SPAG16: variants seen among roughly 807,000 people sequenced by gnomAD.
SPAG16 encodes the protein sperm-associated antigen 16 protein.
Under a neutral mutation model 80.4 loss-of-function variants are expected in SPAG16, and 86 were observed. The ratio of observed to expected loss-of-function variants is 1.07; its 90% confidence interval spans 0.90 to 1.28. SPAG16 has a LOEUF of 1.28. Ranked by LOEUF, SPAG16 falls within the 50% of genes most tolerant of loss-of-function variation. SPAG16 has a pLI of 0.00. For missense variants in SPAG16, 870 were observed against 765.3 expected, an observed-to-expected ratio of 1.14 and a Z score of -1.61; for synonymous variants, 294 against 265.9, an observed-to-expected ratio of 1.11 and a Z score of -1.03.
chr2:214,169,927 GC>G (rs1469345034), intron 15 of SPAG16, among the ~76,000 whole-genome samples: 25 of 152,118 alleles, frequency 1.6e-4, no homozygotes, highest in African/African-American at 4.8e-4. Flanking sequence ...TTGGAGGCCT[GC>G]CCACTCAGTA....
At chr2:213,548,997 T>C (rs960149320) in intron 10 of SPAG16, among the ~76,000 whole-genome samples, 1 of 152,010 alleles carries the variant, frequency 6.6e-6, no homozygotes, top group Non-Finnish European at 1.5e-5. Flanking sequence ...ACTGTTTTGT[T>C]CCAATAAAAC....
At chr2:213,396,779 C>T (rs1004225269) in intron 9 of SPAG16, 72 of 382,702 alleles carry the variant, frequency 1.9e-4, no homozygotes, top group African/African-American at 1.4e-3. Context: ...TCCTCCAATC[C>T]TCCCTTTCGT....
At chr2:213,887,401 G>A (rs148922701) in intron 11 of SPAG16, among the ~76,000 whole-genome samples, 35 of 151,644 alleles carry the variant, frequency 2.3e-4, no homozygotes, top group African/African-American at 6.5e-4. Context: ...TATGTATTTC[G>A]TAAAATGACT....
intron 15 of SPAG16, among the ~76,000 whole-genome samples, chr2:214,327,065 G>A (rs1696550661): frequency 1.3e-5 from 2 of 150,526 alleles, no homozygotes; most frequent in South Asian, 4.2e-4. Flanking sequence ...AAGACAAAAT[G>A]TTAGATAAAA....
intron 10 of SPAG16, among the ~76,000 whole-genome samples, chr2:213,721,443 GA>G (rs2066531892): frequency 1.3e-5 from 2 of 152,092 alleles, no homozygotes; most frequent in Non-Finnish European, 2.9e-5. Flanking sequence ...CAACCAAAAG[GA>G]ACACTTAAGT....
intron 14 of SPAG16, among the ~76,000 whole-genome samples, chr2:214,124,350 A>G (rs16851506): frequency 0.025 from 3,762 of 151,858 alleles, 127 homozygotes; most frequent in South Asian, 0.13. Context: ...TCATTTAAAC[A>G]GGTTTCACAG....
chr2:213,861,545 T>G (rs2105947119), intron 10 of SPAG16, among the ~76,000 whole-genome samples: 1 of 152,338 alleles, frequency 6.6e-6, no homozygotes, highest in East Asian at 1.9e-4. Flanking sequence ...GTCTTTGAAT[T>G]TAGATGGCCA....
intron 10 of SPAG16, among the ~76,000 whole-genome samples, chr2:213,555,276 A>T (rs2059392188): frequency 6.6e-6 from 1 of 152,154 alleles, no homozygotes; most frequent in Admixed American, 6.5e-5. Context: ...CAAATCTTAA[A>T]TTGTAATCCC....
At chr2:213,349,672 C>T (rs1379014540) in intron 6 of SPAG16, among the ~76,000 whole-genome samples, 1 of 152,066 alleles carries the variant, frequency 6.6e-6, no homozygotes, top group Non-Finnish European at 1.5e-5. Context: ...TATTGGATAA[C>T]CACATTGTGG....
chr2:213,292,222 G>A (rs1374679536), intron 1 of SPAG16, among the ~76,000 whole-genome samples: 1 of 152,178 alleles, frequency 6.6e-6, no homozygotes, highest in East Asian at 1.9e-4. Flanking sequence ...TGAACATGGT[G>A]AAGGATGGCA....
intron 10 of SPAG16, among the ~76,000 whole-genome samples, chr2:213,835,587 C>G (rs1364456970): frequency 6.6e-6 from 1 of 152,124 alleles, no homozygotes; most frequent in Admixed American, 6.5e-5. Context: ...TCTAAGGTTT[C>G]ATTGTGTACT....
intron 10 of SPAG16, among the ~76,000 whole-genome samples, chr2:213,701,790 A>G (rs939448549): frequency 2.0e-5 from 3 of 152,120 alleles, no homozygotes; most frequent in African/African-American, 4.8e-5. Context: ...AAACGCACCA[A>G]TCAGCACTCT....
At chr2:213,624,642 G>T (rs1488626745) in intron 10 of SPAG16, among the ~76,000 whole-genome samples, 3 of 152,210 alleles carry the variant, frequency 2.0e-5, no homozygotes, top group Non-Finnish European at 4.4e-5. Context: ...ACCTACATTT[G>T]TCTGAACCAA....
At position 214,173,809 on chromosome 2, in the gene SPAG16, T is replaced by G. The variant is rs181390021; in HGVS notation, c.1720+24543T>G. Among the ~76,000 whole-genome samples, 542 of 152,108 alleles carry G rather than the reference T, an allele frequency of 3.6e-3. 3 individuals are homozygous for G. The highest frequency in any genetic ancestry group is 0.012 in the African/African-American group (498 of 41,530). Reference sequence around the variant, plus strand: ...TTAGACCAATATCCTTGATGAACATTGATGCAAAAATCTGCAGTAAAATAC... The same window carrying G: ...TTAGACCAATATCCTTGATGAACATGGATGCAAAAATCTGCAGTAAAATAC... On this transcript the variant is annotated intron_variant, in intron 15 of 15. Transcript: ENST00000331683.
chr2:214,222,818 T>C (rs527314528), intron 15 of SPAG16, among the ~76,000 whole-genome samples: 2 of 152,288 alleles, frequency 1.3e-5, no homozygotes, highest in African/African-American at 4.8e-5. Context: ...TAAAATGCTC[T>C]CTGGATGTGC....
chr2:213,642,411 T>C (rs987207888), intron 10 of SPAG16, among the ~76,000 whole-genome samples: 2 of 152,098 alleles, frequency 1.3e-5, no homozygotes, highest in African/African-American at 4.8e-5. Context: ...ACAGGTGTGA[T>C]GGTTAATACT....
chr2:214,187,520 C>T (rs1325464529), intron 15 of SPAG16, among the ~76,000 whole-genome samples: 2 of 152,124 alleles, frequency 1.3e-5, no homozygotes, highest in African/African-American at 4.8e-5. Context: ...AGTTTTTCTA[C>T]ATTTTATTAG....
chr2:213,717,194 G>A (rs549285696), intron 10 of SPAG16, among the ~76,000 whole-genome samples: 1 of 141,996 alleles, frequency 7.0e-6, no homozygotes, highest in East Asian at 2.0e-4. Flanking sequence ...CTCGTCTGTC[G>A]CCCAGGCTGG....
intron 11 of SPAG16, among the ~76,000 whole-genome samples, chr2:213,902,720 C>A (rs1254381892): frequency 6.6e-6 from 1 of 152,270 alleles, no homozygotes; most frequent in East Asian, 1.9e-4. Context: ...TCAACAGTCC[C>A]CCAAAGTCTT....
Sources: gnomAD v4.1 joint callset for allele counts (sites outside exome capture counted in the v4.1 genomes callset) on GRCh38, gnomAD v4.1.1 for gene constraint, MANE v1.5 for transcripts, NCBI Gene and HGNC (gene_info 2026-07-23, HGNC 2026-07-21) for gene names.